PLCB2: variants seen among roughly 807,000 people sequenced by gnomAD.
PLCB2 encodes the protein phospholipase C beta 2, also known as 1-phosphatidylinositol 4,5-bisphosphate phosphodiesterase beta-2.
In PLCB2, 115 loss-of-function variants were observed where a neutral mutation model predicts 141.7. The observed-to-expected ratio is 0.81, with a 90% CI of 0.70 to 0.95. The LOEUF is 0.95. PLCB2 is among the 40% of genes least tolerant of loss of function. The probability of loss-of-function intolerance (pLI) is 0.00; values close to 1 mark genes in which losing one functional copy is unlikely to be tolerated. For missense variants in PLCB2, 1,403 were observed against 1,541.1 expected, an observed-to-expected ratio of 0.91 and a Z score of 1.50; for synonymous variants, 603 against 595.6, an observed-to-expected ratio of 1.01 and a Z score of -0.18.
At chr15:40,289,721 CT>C (rs751585618) in intron 30 of PLCB2, 20 of 523,900 alleles carry the variant, frequency 3.8e-5, no homozygotes, top group Non-Finnish European at 6.1e-5. Flanking sequence ...CCAGCCTCCC[CT>C]GGCCCTGATA....
intron 20 of PLCB2, 72 bp downstream of exon 20, chr15:40,293,487 GT>G (rs1181517938): frequency 6.8e-7 from 1 of 1,463,246 alleles, no homozygotes; most frequent in East Asian, 2.3e-5. Context: ...GAGCTGCCTT[GT>G]TTACTTCCTC....
In PLCB2 at chr15:40,288,602, C is replaced by T. The variant is rs1343511537; in HGVS notation, c.*113G>A. The stretch of plus-strand genomic sequence containing the variant: ...AGGGGGCTGCAGCGTCCAAGGCAGC[C>T]ACAGGTTCCCACAGCCTCAGAAGGC... On this transcript the variant is annotated 3_prime_UTR_variant, in exon 32 of 32. Transcript: ENST00000260402. 5.6e-6 allele frequency: 8 copies of T among 1,420,774 alleles called. No individual in the cohort carries two copies. Among genetic ancestry groups the T allele is most frequent in the East Asian group, 2.5e-5 (1 of 39,780 alleles). 88.0% of individuals were successfully genotyped at this position (1,420,774 alleles called of 1,614,324 possible). A position where few individuals can be genotyped will look rare whatever the true frequency, so the allele number is the denominator to read the frequency against.
chr15:40,289,019 G>A (rs761385519), intron 31 of PLCB2, 101 bp from the exon 32 acceptor site: 16 of 1,486,946 alleles, frequency 1.1e-5, no homozygotes, highest in East Asian at 9.6e-5. Flanking sequence ...ATCCATGTTC[G>A]GAGCTCCCAG....
At position 40,291,164 on chromosome 15, in the gene PLCB2, T is replaced by A. The variant is rs776295108; in HGVS notation, c.2890A>T (p.Ser964Cys). 8 of 1,571,030 alleles carry A rather than the reference T, an allele frequency of 5.1e-6. No individual in the cohort carries two copies. In the South Asian group the frequency reaches 5.7e-5, roughly 11 times the overall value. The change falls in exon 27 of 32, where the codon AGC (serine) becomes TGC (cysteine). Residue 964 changes from serine to cysteine, a missense_variant. This residue lies in a region of PLCB2 where 290 missense variants were observed against 245.9 expected (regional missense o/e 1.18). Transcript: ENST00000260402. ...CCCTCGCCCGGCGCGGCTCCGGCGCTCTCCTCGCGGGGCAGGCTCCTGGGG... is the reference window on the plus strand; with the variant it reads ...CCCTCGCCCGGCGCGGCTCCGGCGCACTCCTCGCGGGGCAGGCTCCTGGGG... ...RKKRSLPREESAGAAPGEGPE... is the reference protein window; with the variant it reads ...RKKRSLPREECAGAAPGEGPE...
In PLCB2 at chr15:40,289,944, AGAGAGAGAGAGAGAGAGAGAGAGAGT is replaced by A. The variant is rs1397482778; in HGVS notation, c.3267+55_3267+80del. ...TACTTGTGAAGAGAGAGAGAGAGAGAGAGAGAGAGAGAGAGAGAGAGAGAGTGTGTGTGTGTGTGTGTGTGTGTGTG... is the reference window on the plus strand; with the variant it reads ...TACTTGTGAAGAGAGAGAGAGAGAGAGTGTGTGTGTGTGTGTGTGTGTGTG... On this transcript the variant is annotated intron_variant, in intron 30 of 31. Coordinates refer to ENST00000260402, the MANE Select transcript of PLCB2 (RefSeq NM_004573.3). The A allele has an allele frequency of 1.2e-3, 229 of 196,972 alleles. 1 individual carries two copies. Among genetic ancestry groups the A allele is most frequent in the Admixed American group, 6.0e-3 (55 of 9,212 alleles). 12.2% of individuals were successfully genotyped at this position (196,972 alleles called of 1,614,324 possible). A position where few individuals can be genotyped will look rare whatever the true frequency, so the allele number is the denominator to read the frequency against.
At chr15:40,289,900 G>A (rs1006287020) in intron 30 of PLCB2, 125 bp downstream of exon 30, 3 of 832,808 alleles carry the variant, frequency 3.6e-6, no homozygotes, top group Non-Finnish European at 6.2e-6. Flanking sequence ...CAAAGTCAGG[G>A]CCTGGGGCCA....
chr15:40,289,150 C>CCA, intron 31 of PLCB2, 122 bp downstream of exon 31: 1 of 1,039,166 alleles, frequency 9.6e-7, no homozygotes, highest in Non-Finnish European at 1.5e-6. Context: ...CCTCGGGACC[C>CCA]CACAGTGAAG....
chr15:40,291,397 T>A lies in PLCB2; in HGVS notation c.2738A>T (p.Glu913Val). The change falls in exon 26 of 32, where the codon GAG becomes GTG. Residue 913 changes from glutamate to valine, a missense_variant. This residue lies in a region of PLCB2 where 290 missense variants were observed against 245.9 expected (regional missense o/e 1.18). Coordinates refer to ENST00000260402, the MANE Select transcript of PLCB2 (RefSeq NM_004573.3). ...RRHEKELREL[E>V]RRGARRWEEL... ...CTCCCAGCGCCGCGCTCCGCGCCGC[T>A]CCAACTCTCGCAGCTCCTTCTCGTG... The A allele has an allele frequency of 5.9e-6, 9 of 1,535,556 alleles. No individual in the cohort carries two copies. The highest frequency in any genetic ancestry group is 7.9e-6 in the Non-Finnish European group (9 of 1,146,370).
rs751244222 is a variant in PLCB2, at chr15:40,297,332, C to T, written c.1323+189G>A. On this transcript the variant is annotated intron_variant, in intron 13 of 31. Coordinates refer to ENST00000260402, the MANE Select transcript of PLCB2 (RefSeq NM_004573.3). This position sits in a 1 kb window ranked among gnomAD's most constrained non-coding sequence, Gnocchi z 4.2. ...ATACACCTGAGGGCAGTGACTGTGT[C>T]TTTGTCACTAGCATACCCTGAAGCC... Among the ~76,000 whole-genome samples the T allele has an allele frequency of 6.6e-6, 1 of 152,116 alleles. No homozygotes were observed. Among genetic ancestry groups the T allele is most frequent in the Non-Finnish European group, 1.5e-5 (1 of 68,032 alleles).
chr15:40,298,773 G>A (rs376274703), intron 9 of PLCB2, 25 bp downstream of exon 9: 3 of 1,610,974 alleles, frequency 1.9e-6, no homozygotes, highest in Non-Finnish European at 2.5e-6. Flanking sequence ...GACCACAGGG[G>A]ACAAGGGGTT....
downstream of PLCB2, among the ~76,000 whole-genome samples, chr15:40,286,304 G>A (rs544387180): frequency 6.6e-5 from 10 of 152,100 alleles, no homozygotes; most frequent in Admixed American, 2.0e-4. Flanking sequence ...GCTGGCAGAA[G>A]GGCTCCCTCC....
chr15:40,297,819 T>C lies in PLCB2; in HGVS notation c.1238+58A>G. 7.3e-7 allele frequency: 1 copy of C among 1,365,956 alleles called. No homozygotes were observed. Among genetic ancestry groups the C allele is most frequent in the Non-Finnish European group, 1.0e-6 (1 of 957,512 alleles). The allele number at this position is 1,365,956 out of a possible 1,614,324, so 84.6% of individuals were successfully genotyped here. ...CTGGGGCAGTTGTGGGGAGGACAGT[T>C]GCAGACAGGAGACTGGGGGCTGGGT... is the stretch of plus-strand genomic sequence containing the variant. On this transcript the variant is annotated intron_variant, in intron 12 of 31. Transcript: ENST00000260402. The surrounding 1 kb of genome is among the most constrained non-coding windows in gnomAD (Gnocchi z 4.2).
Position 40,297,919 on chromosome 15 carries a change from G to A in PLCB2, c.1196C>T (p.Ser399Phe), listed in dbSNP as rs982630201. Residue 399 changes from serine to phenylalanine, a missense_variant, in exon 12 of 32, where the codon TCC (serine) becomes TTC (phenylalanine). Coordinates refer to ENST00000260402, the MANE Select transcript of PLCB2 (RefSeq NM_004573.3). This position sits in a 1 kb window ranked among gnomAD's most constrained non-coding sequence, Gnocchi z 4.2. ...EAIAESAFKT[S>F]PYPIILSFEN... ...AAACGACAGGATGATGGGATAGGGG[G>A]AGGTCTTAAAGGCGCTTTCTGCAAT... 6.2e-7 allele frequency: 1 copy of A among 1,613,816 alleles called. No homozygotes were observed. The highest frequency in any genetic ancestry group is 8.5e-7 in the Non-Finnish European group (1 of 1,179,722).
At position 40,302,721 on chromosome 15, in the gene PLCB2, C is replaced by T. The variant is rs1379876260; in HGVS notation, c.232-112G>A. 1.9e-5 allele frequency: 22 copies of T among 1,152,408 alleles called. 1 individual carries two copies. The South Asian group carries it at 3.3e-4, about 17-fold the overall frequency. The allele number at this position is 1,152,408 out of a possible 1,614,324, so 71.4% of individuals were successfully genotyped here. On this transcript the variant is annotated intron_variant, in intron 3 of 31. Coordinates refer to ENST00000260402, the MANE Select transcript of PLCB2 (RefSeq NM_004573.3). ...GGGCTATGGCCCACTGGGCAGAACC[C>T]CATCCCCATCCCAGGAACCACAGGC...
chr15:40,304,160 T>C, intron 1 of PLCB2, 82 bp from the exon 2 acceptor site: 2 of 919,018 alleles, frequency 2.2e-6, no homozygotes, highest in South Asian at 1.4e-5. Context: ...TCAGAGCTCA[T>C]TATCTTCCCA....
intron 18 of PLCB2, 134 bp downstream of exon 18, chr15:40,294,802 C>T (rs552219758): frequency 1.6e-5 from 18 of 1,093,810 alleles, no homozygotes; most frequent in Middle Eastern, 2.5e-4. Flanking sequence ...CAAATTCTCA[C>T]GCACCTGGGC....
intron 7 of PLCB2, among the ~76,000 whole-genome samples, chr15:40,300,173 A>G (rs1358041949): frequency 2.0e-5 from 3 of 152,174 alleles, no homozygotes; most frequent in Non-Finnish European, 4.4e-5. Flanking sequence ...AAATTAGCCC[A>G]GCATGGTGGC....
intron 7 of PLCB2, chr15:40,301,514 G>C: frequency 1.4e-6 from 1 of 702,800 alleles, no homozygotes; most frequent in Non-Finnish European, 2.6e-6. Flanking sequence ...GGCAGCTTCC[G>C]CCTTTGGTTC....
At chr15:40,287,459 C>T (rs2039631142), downstream of PLCB2, among the ~76,000 whole-genome samples, 1 of 152,346 alleles carries the variant, frequency 6.6e-6, no homozygotes, top group South Asian at 2.1e-4. Flanking sequence ...GTCATCGGTG[C>T]AGTGAGTGGC....
Sources: gnomAD v4.1 joint callset for allele counts (sites outside exome capture counted in the v4.1 genomes callset) on GRCh38, gnomAD v4.1.1 for gene constraint, gnomAD v4.1.1 regional missense constraint, Gnocchi (gnomAD v3.1) non-coding constraint, MANE v1.5 for transcripts, NCBI Gene and HGNC (gene_info 2026-07-23, HGNC 2026-07-21) for gene names.